The following ITGA4 variants were observed in gnomAD, a reference collection of about 807,000 sequenced individuals.
ITGA4 encodes the protein integrin alpha-4.
In ITGA4, 63 loss-of-function variants were observed where a neutral mutation model predicts 133.6. That is an observed-to-expected ratio of 0.47 (90% CI 0.38 to 0.58). ITGA4 has a LOEUF of 0.58. Among genes scored for constraint, ITGA4 ranks in the 20% least tolerant of loss-of-function variants. ITGA4 has a pLI of 0.00. For synonymous variants in ITGA4, 483 were observed against 438.0 expected (o/e 1.10, Z -1.28); for missense variants, 1,076 against 1,252.7 (o/e 0.86, Z 2.13).
At chr2:181,533,798 T>G (rs925376410) in intron 25 of ITGA4, among the ~76,000 whole-genome samples, 4 of 152,180 alleles carry the variant, frequency 2.6e-5, no homozygotes, top group Admixed American at 2.6e-4. Context: ...CTCCTAAAGA[T>G]TCTTAGAATT....
At chr2:181,486,778 G>A (rs1685929633) in intron 10 of ITGA4, among the ~76,000 whole-genome samples, 1 of 152,162 alleles carries the variant, frequency 6.6e-6, no homozygotes, top group East Asian at 1.9e-4. Context: ...TAAGAGGAGA[G>A]TGTGCAGTTT....
chr2:181,498,089 A>G lies in ITGA4; in HGVS notation c.1541-534A>G, dbSNP rs1038847615. On this transcript the variant is annotated intron_variant, in intron 14 of 27. Coordinates refer to ENST00000397033, the MANE Select transcript of ITGA4 (RefSeq NM_000885.6). ...ATAAGACTGGAAAGATGACATTTTT[A>G]AGAAAACCGTATATATAGATTTGAC... Among the ~76,000 whole-genome samples the G allele has an allele frequency of 2.0e-5, 3 of 152,232 alleles. No homozygotes were observed. In the East Asian group the frequency reaches 5.8e-4, roughly 29 times the overall value.
Position 181,530,321 on chromosome 2 carries a change from C to T in ITGA4, c.2539-203C>T, listed in dbSNP as rs75694283. On this transcript the variant is annotated intron_variant, in intron 23 of 27. Transcript: ENST00000397033. ...TTATCAGCTTAGAACCTATATCCAA[C>T]CTGCTGTAATTTGGCTGGGTTTTTG... Among the ~76,000 whole-genome samples the T allele has an allele frequency of 5.3e-5, 8 of 152,332 alleles. No homozygotes were observed. The East Asian group carries it at 9.6e-4, about 18-fold the overall frequency.
In ITGA4 at chr2:181,495,484, T is replaced by G; in HGVS notation, c.1385+68T>G. On this transcript the variant is annotated intron_variant, in intron 13 of 27. Coordinates refer to ENST00000397033, the MANE Select transcript of ITGA4 (RefSeq NM_000885.6). The surrounding 1 kb of genome is among the most constrained non-coding windows in gnomAD (Gnocchi z 4.3). ...ATTGTAAAATGATGGGAGGTGGTGTTTAAAATCAGCAGTGGTAGTGACCTC... is the reference window on the plus strand; with the variant it reads ...ATTGTAAAATGATGGGAGGTGGTGTGTAAAATCAGCAGTGGTAGTGACCTC... 4.3e-6 allele frequency: 5 copies of G among 1,167,372 alleles called. No individual in the cohort carries two copies. Among genetic ancestry groups the G allele is most frequent in the Non-Finnish European group, 6.5e-6 (5 of 774,390 alleles). The allele number at this position is 1,167,372 out of a possible 1,614,324, so 72.3% of individuals were successfully genotyped here.
At chr2:181,485,765 A>G in intron 9 of ITGA4, 116 bp from the exon 10 acceptor site, 2 of 779,554 alleles carry the variant, frequency 2.6e-6, no homozygotes, top group African/African-American at 1.8e-5. Flanking sequence ...CTCAGTCTGT[A>G]GTTTGTCCAA....
At chr2:181,514,971 G>A (rs573982911) in intron 17 of ITGA4, among the ~76,000 whole-genome samples, 51 of 152,166 alleles carry the variant, frequency 3.4e-4, no homozygotes, top group Non-Finnish European at 5.4e-4. Flanking sequence ...TTTAAATGAA[G>A]TATAAGGCTG....
chr2:181,478,850 T>A (rs1212708135), intron 5 of ITGA4, 26 bp downstream of exon 5: 1 of 1,222,236 alleles, frequency 8.2e-7, no homozygotes, highest in Non-Finnish European at 1.1e-6. Context: ...ATAGCTGCTA[T>A]AAATGTTTAC....
At chr2:181,473,718 A>G (rs1370593755) in intron 2 of ITGA4, among the ~76,000 whole-genome samples, 3 of 152,226 alleles carry the variant, frequency 2.0e-5, no homozygotes, top group Non-Finnish European at 4.4e-5. Flanking sequence ...TGGTAATCCC[A>G]GCACTTTAGG....
rs908341302 is a variant in ITGA4 at position 181,493,375 on chromosome 2, A to G, written c.1204A>G (p.Ile402Val). ...QEDDLQGAIYIYNGRADGISS... is the reference protein window; with the variant it reads ...QEDDLQGAIYVYNGRADGISS... Reference sequence around the variant, plus strand: ...AGATGACTTGCAAGGTGCTATTTATATTTACAATGGCCGTGCAGATGGGAT... The same window carrying G: ...AGATGACTTGCAAGGTGCTATTTATGTTTACAATGGCCGTGCAGATGGGAT... Residue 402 changes from isoleucine to valine, a missense_variant, in exon 11 of 28, where the codon ATT (isoleucine) becomes GTT (valine). Physicochemically the swap from Ile to Val is conservative, Grantham distance 29. Transcript: ENST00000397033. 2 of 1,612,958 alleles carry G rather than the reference A, an allele frequency of 1.2e-6. No homozygotes were observed. The highest frequency in any genetic ancestry group is 1.7e-5 in the Admixed American group (1 of 59,966).
rs1187818251 is a variant in ITGA4 at position 181,534,767 on chromosome 2, C to T, written c.2884-49C>T. On this transcript the variant is annotated intron_variant, in intron 26 of 27. Coordinates refer to ENST00000397033, the MANE Select transcript of ITGA4 (RefSeq NM_000885.6). ...AAGGAAATATAAGCAACGTTTTAAACTGATTTTTTTTTTTGGTTTTTGAGT... is the reference window on the plus strand; with the variant it reads ...AAGGAAATATAAGCAACGTTTTAAATTGATTTTTTTTTTTGGTTTTTGAGT... The T allele has an allele frequency of 5.8e-6, 7 of 1,204,080 alleles. No homozygotes were observed. The South Asian group carries it at 1.1e-4, about 18-fold the overall frequency. The allele number at this position is 1,204,080 out of a possible 1,614,324, so 74.6% of individuals were successfully genotyped here. A position where few individuals can be genotyped will look rare whatever the true frequency, so the allele number is the denominator to read the frequency against.
At chr2:181,500,073 G>A (rs1448820878) in intron 15 of ITGA4, among the ~76,000 whole-genome samples, 1 of 152,186 alleles carries the variant, frequency 6.6e-6, no homozygotes, top group Non-Finnish European at 1.5e-5. Context: ...TTTGATGGTA[G>A]CAGGATTCAG....
rs1686125529 is a variant in ITGA4 at position 181,494,775 on chromosome 2, A to G, written c.1302A>G (p.Ile434Met). 1.3e-6 allele frequency: 2 copies of G among 1,596,902 alleles called. No homozygotes were observed. The highest frequency in any genetic ancestry group is 1.7e-6 in the Non-Finnish European group (2 of 1,164,494). The change falls in exon 12 of 28, where the codon ATA (isoleucine) becomes ATG (methionine). Residue 434 changes from isoleucine (I) to methionine (M), a missense_variant. This residue lies in a region of ITGA4 where 436 missense variants were observed against 590.7 expected (regional missense o/e 0.74). Transcript: ENST00000397033. Reference protein sequence around the residue: ...SKSLSMFGQSISGQIDADNNG... With the variant: ...SKSLSMFGQSMSGQIDADNNG... ...CGTTAAGTATGTTTGGACAGTCTATATCAGGACAAATTGATGCAGATAATA... is the reference window on the plus strand; with the variant it reads ...CGTTAAGTATGTTTGGACAGTCTATGTCAGGACAAATTGATGCAGATAATA...
chr2:181,524,639 A>G (rs1237926259), intron 20 of ITGA4, among the ~76,000 whole-genome samples: 1 of 152,210 alleles, frequency 6.6e-6, no homozygotes. Context: ...AAGTTTCAAT[A>G]TATTTTTTAA....
chr2:181,472,363 T>G (rs1308690557), intron 2 of ITGA4, among the ~76,000 whole-genome samples: 1 of 152,234 alleles, frequency 6.6e-6, no homozygotes, highest in Admixed American at 6.5e-5. Context: ...TCTGGGTGGC[T>G]CTCTCTAGAA....
intron 4 of ITGA4, among the ~76,000 whole-genome samples, chr2:181,478,364 C>T (rs545554790): frequency 4.6e-5 from 7 of 152,050 alleles, no homozygotes; most frequent in Admixed American, 1.3e-4. Context: ...AAAAGATGAC[C>T]GTGAGGAGGT....
intron 2 of ITGA4, among the ~76,000 whole-genome samples, chr2:181,469,370 C>T (rs1355976037): frequency 6.6e-6 from 1 of 152,104 alleles, no homozygotes; most frequent in Non-Finnish European, 1.5e-5. Context: ...TGCCCAACAC[C>T]AATCCGTAAA....
At chr2:181,501,871 AG>A (rs1686280092) in intron 15 of ITGA4, among the ~76,000 whole-genome samples, 1 of 152,016 alleles carries the variant, frequency 6.6e-6, no homozygotes, top group African/African-American at 2.4e-5. Context: ...ACTCATCTTG[AG>A]TTGAGGACAG....
At chr2:181,515,268 C>T (rs1574406872) in intron 17 of ITGA4, among the ~76,000 whole-genome samples, 2 of 152,018 alleles carry the variant, frequency 1.3e-5, no homozygotes, top group African/African-American at 4.8e-5. Context: ...TTCTCTAGAC[C>T]TCTTTCCTCA....
chr2:181,472,258 T>A (rs1685571484), intron 2 of ITGA4, among the ~76,000 whole-genome samples: 1 of 152,220 alleles, frequency 6.6e-6, no homozygotes, highest in African/African-American at 2.4e-5. Flanking sequence ...AAGAAACCGA[T>A]AACAATACAC....
Sources: allele counts gnomAD v4.1 joint callset (sites outside exome capture counted in the v4.1 genomes callset), GRCh38; gene constraint gnomAD v4.1.1; regional missense constraint gnomAD v4.1.1; non-coding constraint Gnocchi (gnomAD v3.1); transcripts MANE v1.5; gene names NCBI Gene and HGNC (gene_info 2026-07-23, HGNC 2026-07-21).